The following PASD1 variants were observed in gnomAD, a reference collection of about 807,000 sequenced individuals.
PASD1 encodes circadian clock protein PASD1.
PASD1 carries 13 observed loss-of-function variants against 58.8 expected under a neutral mutation model. The observed-to-expected ratio is 0.22, with a 90% CI of 0.14 to 0.35. The LOEUF is 0.35. Ranked by LOEUF, PASD1 falls within the 10% of genes least tolerant of loss-of-function variation. The pLI is 1.00. For synonymous variants in PASD1, 236 were observed against 216.7 expected (o/e 1.09, Z -0.78); for missense variants, 734 against 568.3 (o/e 1.29, Z -2.96).
chrX:151,563,917 C>T (rs1005090440), intron 1 of PASD1, 78 bp downstream of exon 1: 1 of 112,351 alleles, frequency 8.9e-6, no homozygotes, highest in African/African-American at 3.2e-5. Flanking sequence ...CCCCTTTGTC[C>T]CTCGGTGGCT....
intron 8 of PASD1, among the ~76,000 whole-genome samples, chrX:151,632,093 G>A (rs2013876078): frequency 9.0e-6 from 1 of 110,920 alleles, no homozygotes; most frequent in African/African-American, 3.3e-5. Flanking sequence ...ATAGACTATA[G>A]AGCAGGTGAG....
At chrX:151,671,898 C>G in intron 13 of PASD1, 119 bp downstream of exon 13, 1 of 840,834 alleles carries the variant, frequency 1.2e-6, no homozygotes. Context: ...ATTTATTTGC[C>G]CAAGATAGTA....
intron 9 of PASD1, among the ~76,000 whole-genome samples, chrX:151,656,036 G>T (rs1242973678): frequency 1.8e-5 from 2 of 112,049 alleles, no homozygotes; most frequent in African/African-American, 6.5e-5. Flanking sequence ...TTTGTATAAG[G>T]TGTAAGGAAG....
At position 151,611,652 on chromosome X, in the gene PASD1, T is replaced by C; in HGVS notation, c.118-12T>C. The C allele has an allele frequency of 8.8e-7, 1 of 1,130,116 alleles. No individual in the cohort carries two copies. Among genetic ancestry groups the C allele is most frequent in the Non-Finnish European group, 1.2e-6 (1 of 836,030 alleles). The allele number at this position is 1,130,116 out of a possible 1,213,427, so 93.1% of individuals were successfully genotyped here. On this transcript the variant is annotated splice_polypyrimidine_tract_variant and intron_variant, in intron 3 of 15. Coordinates refer to ENST00000370357, the MANE Select transcript of PASD1 (RefSeq NM_173493.3). The stretch of plus-strand genomic sequence containing the variant: ...CCACTATTTAATTACATTATTATTC[T>C]CTCGTCATTAGTTATTAGATGGCTT...
At chrX:151,634,060 T>C (rs193264135) in intron 8 of PASD1, among the ~76,000 whole-genome samples, 12 of 112,226 alleles carry the variant, frequency 1.1e-4, no homozygotes, top group African/African-American at 3.9e-4. Context: ...CTCTTTCTTA[T>C]CTTGAGACAT....
intron 8 of PASD1, among the ~76,000 whole-genome samples, chrX:151,635,375 T>C (rs1335288433): frequency 1.8e-5 from 2 of 111,918 alleles, no homozygotes; most frequent in Non-Finnish European, 3.8e-5. Context: ...AGGAAACAAA[T>C]ACACATGTAC....
At chrX:151,620,858 C>G in intron 4 of PASD1, 72 bp from the exon 5 acceptor site, 1 of 636,168 alleles carries the variant, frequency 1.6e-6, no homozygotes, top group East Asian at 3.6e-5. Context: ...AGTATTAACA[C>G]AGATAAAAAA....
chrX:151,635,427 T>C (rs1181647217), intron 8 of PASD1, among the ~76,000 whole-genome samples: 1 of 112,121 alleles, frequency 8.9e-6, no homozygotes, highest in African/African-American at 3.2e-5. Context: ...TGTACCTTTG[T>C]GTATGAGTGT....
chrX:151,588,370 C>G (rs1419401818), intron 1 of PASD1, among the ~76,000 whole-genome samples: 2 of 112,312 alleles, frequency 1.8e-5, no homozygotes, highest in African/African-American at 3.2e-5. Flanking sequence ...AAAGTAATTT[C>G]CAAAGATGTA....
chrX:151,610,985 A>G (rs2013550010), intron 3 of PASD1, among the ~76,000 whole-genome samples: 1 of 110,839 alleles, frequency 9.0e-6, no homozygotes, highest in African/African-American at 3.3e-5. Context: ...TTCACCTCCT[A>G]CCTTGTACAG....
intron 1 of PASD1, among the ~76,000 whole-genome samples, chrX:151,578,064 A>G (rs2013036765): frequency 8.9e-6 from 1 of 111,850 alleles, no homozygotes; most frequent in Non-Finnish European, 1.9e-5. Flanking sequence ...TTTGTCATGT[A>G]TAAGCCAAAA....
Position 151,671,095 on chromosome X carries a change from A to G in PASD1, c.1129A>G (p.Met377Val). The G allele has an allele frequency of 8.3e-7, 1 of 1,211,846 alleles. No homozygotes were observed. The highest frequency in any genetic ancestry group is 3.0e-5 in the East Asian group (1 of 33,853). The change falls in exon 12 of 16, where the codon ATG becomes GTG. Residue 377 changes from methionine (M) to valine (V), a missense_variant. Coordinates refer to ENST00000370357, the MANE Select transcript of PASD1 (RefSeq NM_173493.3). Reference sequence around the variant, plus strand: ...CATCATTAGCCAGGAACTGGAACTGATGAAGAAGTTGAAGGAGCAGCTAGA... The same window carrying G: ...CATCATTAGCCAGGAACTGGAACTGGTGAAGAAGTTGAAGGAGCAGCTAGA... ...YDIISQELEL[M>V]KKLKEQLEER... is the part of the protein sequence containing the mutation.
At chrX:151,622,586 T>TACACACACACACACAC (rs202044764) in intron 6 of PASD1, among the ~76,000 whole-genome samples, 76 of 96,766 alleles carry the variant, frequency 7.9e-4, no homozygotes, top group Middle Eastern at 5.1e-3. Context: ...GTGCACAGAT[T>TACACACACACACACAC]ACACACACAC....
At chrX:151,668,564 A>G (rs2014416623) in intron 11 of PASD1, among the ~76,000 whole-genome samples, 1 of 111,545 alleles carries the variant, frequency 9.0e-6, no homozygotes, top group African/African-American at 3.3e-5. Flanking sequence ...CTACCATCAG[A>G]GAATACTATA....
intron 1 of PASD1, among the ~76,000 whole-genome samples, chrX:151,593,091 G>A (rs1176395839): frequency 9.1e-6 from 1 of 110,429 alleles, no homozygotes; most frequent in East Asian, 2.8e-4. Context: ...ATTATGAAAT[G>A]TCCCTTCTTT....
intron 8 of PASD1, among the ~76,000 whole-genome samples, chrX:151,645,235 A>G (rs747095779): frequency 8.9e-6 from 1 of 111,761 alleles, no homozygotes; most frequent in African/African-American, 3.2e-5. Flanking sequence ...ATCACTTCAG[A>G]TTATATCATC....
intron 1 of PASD1, among the ~76,000 whole-genome samples, chrX:151,573,436 C>T (rs1347193303): frequency 8.9e-6 from 1 of 112,255 alleles, no homozygotes; most frequent in Non-Finnish European, 1.9e-5. Context: ...GAATGTTATT[C>T]TTCATAGTTT....
chrX:151,606,092 G>A (rs1174987517), intron 3 of PASD1, among the ~76,000 whole-genome samples: 2 of 112,348 alleles, frequency 1.8e-5, no homozygotes, highest in Non-Finnish European at 3.8e-5. Flanking sequence ...TGGCATTCAA[G>A]TGGAAGGATC....
At chrX:151,638,727 T>C (rs2124287739) in intron 8 of PASD1, among the ~76,000 whole-genome samples, 2 of 112,062 alleles carry the variant, frequency 1.8e-5, no homozygotes, top group African/African-American at 6.5e-5. Flanking sequence ...TTTTCTCTGA[T>C]AGATTGCTTT....
Sources: allele counts gnomAD v4.1 joint callset (sites outside exome capture counted in the v4.1 genomes callset), GRCh38; gene constraint gnomAD v4.1.1; transcripts MANE v1.5; gene names NCBI Gene and HGNC (gene_info 2026-07-23, HGNC 2026-07-21).